GRIK2: variants seen among roughly 807,000 people sequenced by gnomAD.
GRIK2 encodes the protein glutamate receptor ionotropic, kainate 2.
In GRIK2, 32 loss-of-function variants were observed where a neutral mutation model predicts 100.3. That is an observed-to-expected ratio of 0.32 (90% confidence interval 0.24 to 0.43). The LOEUF (loss-of-function observed/expected upper bound fraction) is 0.43. Ranked by LOEUF, GRIK2 falls within the 20% of genes least tolerant of loss-of-function variation. GRIK2 has a pLI of 1.00. For missense variants in GRIK2, 843 were observed against 1,114.9 expected (o/e 0.76, Z 3.47); for synonymous variants, 417 against 389.4 (o/e 1.07, Z -0.83).
intron 14 of GRIK2, among the ~76,000 whole-genome samples, chr6:101,940,488 G>A (rs1362860722): frequency 1.3e-5 from 2 of 151,972 alleles, no homozygotes; most frequent in Admixed American, 6.6e-5. Flanking sequence ...TATTTTTTCT[G>A]CATTGTTAGT....
At chr6:102,006,390 A>ATATATATATTTTTTTTTT (rs1315524835) in intron 14 of GRIK2, among the ~76,000 whole-genome samples, 2 of 114,094 alleles carry the variant, frequency 1.8e-5, no homozygotes, top group African/African-American at 9.1e-5. Flanking sequence ...ATATATATAT[A>ATATATATATTTTTTTTTT]TTTTTTTTTT....
intron 6 of GRIK2, among the ~76,000 whole-genome samples, chr6:101,683,806 C>T (rs1421287901): frequency 1.3e-5 from 2 of 152,174 alleles, no homozygotes; most frequent in African/African-American, 2.4e-5. Flanking sequence ...GAATTGACGT[C>T]TCTTCTGATT....
intron 4 of GRIK2, among the ~76,000 whole-genome samples, chr6:101,661,701 C>G (rs1327204592): frequency 6.6e-6 from 1 of 152,106 alleles, no homozygotes; most frequent in Non-Finnish European, 1.5e-5. Flanking sequence ...AGCACAGTCT[C>G]TCATGGCTTC....
intron 9 of GRIK2, among the ~76,000 whole-genome samples, chr6:101,805,313 T>TA (rs35711027): frequency 0.17 from 24,402 of 141,766 alleles, 3,120 homozygotes; most frequent in East Asian, 0.66. Flanking sequence ...TTCATCACCT[T>TA]AAAAAAAAAA....
intron 4 of GRIK2, among the ~76,000 whole-genome samples, chr6:101,675,336 CAG>C (rs57826527): frequency 1.4e-4 from 20 of 143,438 alleles, no homozygotes; most frequent in South Asian, 1.4e-3. Context: ...ACTCGAGAAA[CAG>C]AGAGAAGGAA....
chr6:101,927,536 G>A (rs1036448483), intron 13 of GRIK2, among the ~76,000 whole-genome samples: 5 of 152,042 alleles, frequency 3.3e-5, no homozygotes, highest in Non-Finnish European at 5.9e-5. Context: ...TATAAACAAT[G>A]TGGTAAGCTG....
chr6:101,952,337 A>G (rs1025800722), intron 14 of GRIK2, among the ~76,000 whole-genome samples: 3 of 152,176 alleles, frequency 2.0e-5, no homozygotes, highest in African/African-American at 7.2e-5. Flanking sequence ...GTTGAAGTAC[A>G]ACTGGGTTGT....
chr6:101,644,561 T>A (rs1374483764), intron 4 of GRIK2, among the ~76,000 whole-genome samples: 1 of 151,826 alleles, frequency 6.6e-6, no homozygotes, highest in African/African-American at 2.4e-5. Context: ...TTTGAAATTA[T>A]TAAATATCAC....
At chr6:102,064,116 ATTG>A in intron 16 of GRIK2, 2 of 738,204 alleles carry the variant, frequency 2.7e-6, no homozygotes, top group Non-Finnish European at 4.7e-6. Context: ...AAACATTTTT[ATTG>A]TTGTTTTCAT....
intron 15 of GRIK2, among the ~76,000 whole-genome samples, chr6:102,036,515 T>C (rs1475260261): frequency 6.6e-6 from 1 of 150,982 alleles, no homozygotes; most frequent in Non-Finnish European, 1.5e-5. Context: ...AGAGCTCTTG[T>C]AAAAGGGAGA....
At chr6:101,445,961 T>A (rs569951610) in intron 2 of GRIK2, among the ~76,000 whole-genome samples, 27 of 152,174 alleles carry the variant, frequency 1.8e-4, no homozygotes, top group African/African-American at 5.8e-4. Flanking sequence ...TTATAATCAT[T>A]CCATAGGCAC....
intron 3 of GRIK2, among the ~76,000 whole-genome samples, chr6:101,623,441 G>T (rs1780268318): frequency 1.3e-5 from 2 of 152,080 alleles, no homozygotes; most frequent in African/African-American, 4.8e-5. Context: ...ATTAATTCAA[G>T]ACTATTACAT....
chr6:101,551,079 T>C lies in GRIK2; in HGVS notation c.116-70870T>C, dbSNP rs544482752. On this transcript the variant is annotated intron_variant, in intron 2 of 16. Transcript: ENST00000369134. ...GCAAAGATTGGCAGCTATAGCAAGA[T>C]CACTGTGATCTCAAACTTCTCCCTA... is the stretch of plus-strand genomic sequence containing the variant. Among the ~76,000 whole-genome samples, 3 of 152,322 alleles carry C rather than the reference T, an allele frequency of 2.0e-5. No homozygotes were observed. The East Asian group carries it at 5.8e-4, about 29-fold the overall frequency.
At chr6:101,903,932 C>G (rs1324639319) in intron 12 of GRIK2, among the ~76,000 whole-genome samples, 1 of 151,424 alleles carries the variant, frequency 6.6e-6, no homozygotes, top group Non-Finnish European at 1.5e-5. Flanking sequence ...CAAATAAGGT[C>G]AGGAGAACTA....
intron 2 of GRIK2, among the ~76,000 whole-genome samples, chr6:101,411,176 G>T (rs918010227): frequency 1.3e-5 from 2 of 152,014 alleles, no homozygotes; most frequent in Admixed American, 1.3e-4. Context: ...TTCATCTTCA[G>T]CTTGTTCCCT....
Position 101,802,394 on chromosome 6 carries a change from T to A in GRIK2, c.1159T>A (p.Phe387Ile), listed in dbSNP as rs765053272. Residue 387 changes from phenylalanine to isoleucine, a missense_variant, in exon 9 of 17, where the codon TTT (phenylalanine) becomes ATT (isoleucine). Phe to Ile is a conservative substitution (Grantham distance 21, BLOSUM62 0). Around this residue, in one of 3 missense-constraint regions of GRIK2, gnomAD observed 519 missense variants for 643.8 expected, o/e 0.81. Transcript: ENST00000369134. ...FNKTNGLRTD[F>I]DLDVISLKEE... ...CAAAACCAATGGCTTGAGAACAGATTTTGATTTGGATGTGATCAGTCTGAA... is the reference window on the plus strand; with the variant it reads ...CAAAACCAATGGCTTGAGAACAGATATTGATTTGGATGTGATCAGTCTGAA... 1 of 1,590,042 alleles carries A rather than the reference T, an allele frequency of 6.3e-7. No homozygotes were observed. The highest frequency in any genetic ancestry group is 8.6e-7 in the Non-Finnish European group (1 of 1,166,338).
rs182015174 is a variant in GRIK2, at chr6:101,567,313, T to A, written c.116-54636T>A. 4.3e-3 allele frequency among the ~76,000 whole-genome samples: 656 copies of A among 152,074 alleles called. 3 individuals carry two copies. The highest frequency in any genetic ancestry group is 0.014 in the African/African-American group (585 of 41,542). On this transcript the variant is annotated intron_variant, in intron 2 of 16. Transcript: ENST00000369134. ...TTGTCATATTGTAGTACTTTCTAAA[T>A]CATTTTATATCTCAAAAAGTCTTTT... is the stretch of plus-strand genomic sequence containing the variant.
At chr6:101,977,648 T>C (rs977036341) in intron 14 of GRIK2, among the ~76,000 whole-genome samples, 6 of 151,946 alleles carry the variant, frequency 3.9e-5, no homozygotes, top group Non-Finnish European at 7.4e-5. Flanking sequence ...GTAAAAGCCA[T>C]TGTGGACCCC....
intron 16 of GRIK2, among the ~76,000 whole-genome samples, chr6:102,065,431 T>C (rs1330452133): frequency 1.3e-5 from 2 of 151,328 alleles, no homozygotes; most frequent in African/African-American, 4.8e-5. Flanking sequence ...AACACAGAGT[T>C]TACCTCTTAA....
Sources: allele counts gnomAD v4.1 joint callset (sites outside exome capture counted in the v4.1 genomes callset), GRCh38; gene constraint gnomAD v4.1.1; regional missense constraint gnomAD v4.1.1; transcripts MANE v1.5; gene names NCBI Gene and HGNC (gene_info 2026-07-23, HGNC 2026-07-21).